Variants in ZNF610 observed in about 807,000 individuals in gnomAD.
ZNF610 encodes the protein zinc finger protein 610, also known as zink finger protein.
ZNF610 carries 14 observed loss-of-function variants against 14.1 expected under a neutral mutation model. The ratio of observed to expected loss-of-function variants is 0.99; its 90% confidence interval spans 0.65 to 1.55. The LOEUF is 1.55. ZNF610 is among the 40% of genes most tolerant of loss of function. The pLI is 0.00. For missense variants in ZNF610, 530 were observed against 558.0 expected, an observed-to-expected ratio of 0.95 and a Z score of 0.51; for synonymous variants, 185 against 187.6, an observed-to-expected ratio of 0.99 and a Z score of 0.11.
In ZNF610 at chr19:52,366,195, T is replaced by A. The variant is rs764149802; in HGVS notation, c.817T>A (p.Ser273Thr). 1 of 1,613,850 alleles carries A rather than the reference T, an allele frequency of 6.2e-7. No individual in the cohort carries two copies. The highest frequency in any genetic ancestry group is 1.1e-5 in the South Asian group (1 of 91,014). The change falls in exon 6 of 6, where the codon TCA becomes ACA. Residue 273 changes from serine (S) to threonine (T), a missense_variant. Ser to Thr is a moderately conservative substitution (Grantham distance 58, BLOSUM62 1). Coordinates refer to ENST00000403906, the MANE Select transcript of ZNF610 (RefSeq NM_001161425.2). ...SECDKVFNRN[S>T]NLARHQRIHT... Reference sequence around the variant, plus strand: ...ATGTGACAAGGTGTTTAATCGCAATTCAAACCTTGCACGACATCAAAGAAT... The same window carrying A: ...ATGTGACAAGGTGTTTAATCGCAATACAAACCTTGCACGACATCAAAGAAT...
intron 1 of ZNF610, among the ~76,000 whole-genome samples, chr19:52,338,996 G>T (rs1600228737): frequency 6.6e-6 from 1 of 151,974 alleles, no homozygotes. Flanking sequence ...GGGGGATGTG[G>T]CAGGACAAAG....
chr19:52,354,185 C>T (rs1272456345), intron 4 of ZNF610, 66 bp from the exon 5 acceptor site: 1 of 1,594,650 alleles, frequency 6.3e-7, no homozygotes, highest in African/African-American at 1.4e-5. Context: ...CCCTCTCTTA[C>T]CTAAACACAG....
chr19:52,360,555 A>G (rs929571502), intron 5 of ZNF610, among the ~76,000 whole-genome samples: 4 of 152,206 alleles, frequency 2.6e-5, no homozygotes, highest in Non-Finnish European at 5.9e-5. Flanking sequence ...TTTTTATATA[A>G]GGCTTCTGTA....
intron 5 of ZNF610, among the ~76,000 whole-genome samples, chr19:52,355,627 A>G (rs1228271759): frequency 6.6e-6 from 1 of 152,212 alleles, no homozygotes; most frequent in Non-Finnish European, 1.5e-5. Flanking sequence ...CACCTCAGCC[A>G]CCACTTGTTA....
At chr19:52,340,052 CAGT>C (rs1448896905) in intron 1 of ZNF610, among the ~76,000 whole-genome samples, 1 of 152,194 alleles carries the variant, frequency 6.6e-6, no homozygotes, top group Non-Finnish European at 1.5e-5. Flanking sequence ...TCCAAGTAGA[CAGT>C]AGCAAAGTTG....
rs1226637897 is a variant in ZNF610, at chr19:52,346,385, G to A, written c.-257-1322G>A. Among the ~76,000 whole-genome samples, 7 of 146,138 alleles carry A rather than the reference G, an allele frequency of 4.8e-5. No homozygotes were observed. The South Asian group carries it at 1.5e-3, about 30-fold the overall frequency. On this transcript the variant is annotated intron_variant, in intron 1 of 5. Coordinates refer to ENST00000403906, the MANE Select transcript of ZNF610 (RefSeq NM_001161425.2). ...TCACCATGTTGGTCAGTCTGGTGTC[G>A]AACTCCTGACCTCGTGATCTGCCCG... is the stretch of plus-strand genomic sequence containing the variant.
chr19:52,362,720 G>A (rs1568654774), intron 5 of ZNF610, among the ~76,000 whole-genome samples: 1 of 152,094 alleles, frequency 6.6e-6, no homozygotes, highest in Non-Finnish European at 1.5e-5. Flanking sequence ...ATATCTGTGG[G>A]TTTTACATTT....
chr19:52,358,848 A>G (rs1434320479), intron 5 of ZNF610, among the ~76,000 whole-genome samples: 1 of 152,118 alleles, frequency 6.6e-6, no homozygotes, highest in East Asian at 1.9e-4. Context: ...TAAGAGTTCA[A>G]CTTCATTCCT....
At chr19:52,352,163 G>A (rs987187580) in intron 3 of ZNF610, among the ~76,000 whole-genome samples, 2 of 152,190 alleles carry the variant, frequency 1.3e-5, no homozygotes, top group African/African-American at 4.8e-5. Context: ...TATATTTGCT[G>A]AGGGAGAGGT....
At chr19:52,344,274 C>G (rs1404481241) in intron 1 of ZNF610, 1 of 152,432 alleles carries the variant, frequency 6.6e-6, no homozygotes, top group East Asian at 1.9e-4. Flanking sequence ...AACACCCTTC[C>G]TTCCCCAGGC....
rs767074875 is a variant in ZNF610, at chr19:52,366,434, C to G, written c.1056C>G (p.Val352=). 9.9e-6 allele frequency: 16 copies of G among 1,614,014 alleles called. No individual in the cohort carries two copies. The East Asian group carries it at 3.1e-4, about 31-fold the overall frequency. The change falls in exon 6 of 6, where the codon GTC becomes GTG. Residue 352 remains valine (V), a synonymous_variant. Transcript: ENST00000403906. ...ACAAATGTAATGAATGTGGCAAGGTCTTTAGTCTGCTTTCATACCTTGCAC... is the reference window on the plus strand; with the variant it reads ...ACAAATGTAATGAATGTGGCAAGGTGTTTAGTCTGCTTTCATACCTTGCAC... ...KPYKCNECGK[V]FSLLSYLARH...
chr19:52,335,101 C>A (rs950260426), upstream of ZNF610, among the ~76,000 whole-genome samples: 1 of 150,568 alleles, frequency 6.6e-6, no homozygotes, highest in Non-Finnish European at 1.5e-5. Context: ...GTCAGGAGAT[C>A]GAGACCATCC....
chr19:52,357,008 C>G (rs535256863), intron 5 of ZNF610, among the ~76,000 whole-genome samples: 4 of 151,334 alleles, frequency 2.6e-5, no homozygotes, highest in African/African-American at 9.8e-5. Flanking sequence ...ACCTGGAGAG[C>G]GTGTCACATG....
intron 1 of ZNF610, among the ~76,000 whole-genome samples, chr19:52,339,083 T>A (rs1984538875): frequency 6.6e-6 from 1 of 152,036 alleles, no homozygotes; most frequent in Non-Finnish European, 1.5e-5. Context: ...GTGCTGTGCC[T>A]TGATGTGCAT....
chr19:52,343,659 T>C (rs1984794626), intron 1 of ZNF610, among the ~76,000 whole-genome samples: 1 of 152,160 alleles, frequency 6.6e-6, no homozygotes, highest in Non-Finnish European at 1.5e-5. Flanking sequence ...AAGCAGTTTC[T>C]TGGGAGAAAT....
chr19:52,350,271 C>A (rs778502958), intron 3 of ZNF610, among the ~76,000 whole-genome samples: 6 of 152,218 alleles, frequency 3.9e-5, no homozygotes, highest in South Asian at 2.1e-4. Flanking sequence ...CCATCAAATA[C>A]GAAGCCTCCC....
intron 5 of ZNF610, among the ~76,000 whole-genome samples, chr19:52,363,123 T>TC (rs111573095): frequency 4.1e-5 from 6 of 145,356 alleles, no homozygotes; most frequent in African/African-American, 1.5e-4. Context: ...TTTGGTTCTA[T>TC]CCCCTTTTTT....
chr19:52,346,247 G>C (rs890202999), intron 1 of ZNF610, among the ~76,000 whole-genome samples: 2 of 150,432 alleles, frequency 1.3e-5, no homozygotes, highest in African/African-American at 5.0e-5. Flanking sequence ...TCACTGCAAC[G>C]TCTGCCTTCC....
intron 3 of ZNF610, among the ~76,000 whole-genome samples, chr19:52,351,800 G>C (rs980863119): frequency 1.3e-5 from 2 of 152,190 alleles, no homozygotes; most frequent in Non-Finnish European, 2.9e-5. Flanking sequence ...TTACTTCAGT[G>C]CTTCTGTTCA....
Sources: gnomAD v4.1 joint callset for allele counts (sites outside exome capture counted in the v4.1 genomes callset) on GRCh38, gnomAD v4.1.1 for gene constraint, MANE v1.5 for transcripts, NCBI Gene and HGNC (gene_info 2026-07-23, HGNC 2026-07-21) for gene names.